OVOL2: variants seen among roughly 807,000 people sequenced by gnomAD.
OVOL2 encodes the protein transcription factor Ovo-like 2.
In OVOL2, 13 loss-of-function variants were observed where a neutral mutation model predicts 18.1. The observed-to-expected ratio is 0.72, with a 90% confidence interval of 0.47 to 1.14. The LOEUF (loss-of-function observed/expected upper bound fraction) is 1.14, where lower values mean the gene tolerates loss of function less well. Ranked by LOEUF, OVOL2 falls within the 50% of genes most tolerant of loss-of-function variation. OVOL2 has a pLI of 0.00. For synonymous variants in OVOL2, 166 were observed against 162.7 expected, an observed-to-expected ratio of 1.02 and a Z score of -0.16; for missense variants, 335 against 383.0, an observed-to-expected ratio of 0.87 and a Z score of 1.05.
At chr20:18,025,443 C>A (rs2036504853) in intron 3 of OVOL2, among the ~76,000 whole-genome samples, 1 of 152,014 alleles carries the variant, frequency 6.6e-6, no homozygotes, top group Non-Finnish European at 1.5e-5. Context: ...GTGGCGCGCA[C>A]CCATAGTCCC....
At chr20:18,052,655 G>A (rs751252947) in intron 2 of OVOL2, among the ~76,000 whole-genome samples, 3 of 152,178 alleles carry the variant, frequency 2.0e-5, no homozygotes, top group Non-Finnish European at 4.4e-5. Context: ...TACAAGACTC[G>A]ATAGAGAGCC....
At chr20:18,036,134 A>G (rs2036612835) in intron 3 of OVOL2, among the ~76,000 whole-genome samples, 1 of 150,598 alleles carries the variant, frequency 6.6e-6, no homozygotes, top group South Asian at 2.1e-4. Context: ...TCTCTACTAA[A>G]AATACAAAAT....
chr20:18,033,066 G>A (rs1332029493), intron 3 of OVOL2, among the ~76,000 whole-genome samples: 2 of 152,210 alleles, frequency 1.3e-5, no homozygotes, highest in East Asian at 1.9e-4. Flanking sequence ...GGGTGGAGGT[G>A]ACTTGACTCT....
chr20:18,039,002 C>T (rs1358300458), intron 3 of OVOL2, among the ~76,000 whole-genome samples: 1 of 152,200 alleles, frequency 6.6e-6, no homozygotes, highest in East Asian at 1.9e-4. Context: ...AGAGGTCAAA[C>T]TTTTATTGAT....
At chr20:18,028,429 G>A (rs1038885730) in intron 3 of OVOL2, among the ~76,000 whole-genome samples, 1 of 151,588 alleles carries the variant, frequency 6.6e-6, no homozygotes, top group Non-Finnish European at 1.5e-5. Flanking sequence ...CACCTGCCTT[G>A]GCCTCTCAAA....
intron 3 of OVOL2, among the ~76,000 whole-genome samples, chr20:18,029,987 G>A (rs6514834): frequency 0.48 from 73,548 of 151,886 alleles, 18,050 homozygotes; most frequent in African/African-American, 0.56. Context: ...CAGAAAAACA[G>A]AAAACAAACA....
intron 3 of OVOL2, among the ~76,000 whole-genome samples, chr20:18,038,333 C>T (rs1300647770): frequency 1.3e-5 from 2 of 152,182 alleles, no homozygotes; most frequent in Non-Finnish European, 2.9e-5. Flanking sequence ...TTATGTAATT[C>T]TGGCCCCAAA....
intron 3 of OVOL2, among the ~76,000 whole-genome samples, chr20:18,034,626 T>TCTCTCTCTCTCTC (rs2036598587): frequency 7.2e-6 from 1 of 138,052 alleles, no homozygotes; most frequent in Admixed American, 7.2e-5. Context: ...CTTCCCCTCT[T>TCTCTCTCTCTCTC]TCTCTCTCTC....
At chr20:18,042,845 A>C (rs1328318521) in intron 2 of OVOL2, among the ~76,000 whole-genome samples, 1 of 149,946 alleles carries the variant, frequency 6.7e-6, no homozygotes, top group Non-Finnish European at 1.5e-5. Flanking sequence ...ACCATATGAC[A>C]CGCTTGTTCC....
chr20:18,053,426 C>T (rs894723612), intron 2 of OVOL2, among the ~76,000 whole-genome samples: 4 of 152,110 alleles, frequency 2.6e-5, no homozygotes, highest in Admixed American at 1.3e-4. Flanking sequence ...AATGGCAGGG[C>T]GCGGTGGCTC....
intron 2 of OVOL2, among the ~76,000 whole-genome samples, chr20:18,046,680 A>G (rs931692002): frequency 6.6e-6 from 1 of 152,202 alleles, no homozygotes; most frequent in Non-Finnish European, 1.5e-5. Flanking sequence ...ATGGTACAGA[A>G]GACACATCTG....
chr20:18,027,742 C>G (rs1222253504), intron 3 of OVOL2, among the ~76,000 whole-genome samples: 5 of 151,598 alleles, frequency 3.3e-5, no homozygotes, highest in Non-Finnish European at 5.9e-5. Context: ...ACTACAGGCG[C>G]TCACCACCAC....
chr20:18,044,505 C>G (rs1359417148), intron 2 of OVOL2, among the ~76,000 whole-genome samples: 1 of 152,170 alleles, frequency 6.6e-6, no homozygotes, highest in Non-Finnish European at 1.5e-5. Context: ...ACAGGGTATT[C>G]CAGTCAGCCT....
rs748521446 is a variant in OVOL2, at chr20:18,024,861, C to T, written c.603G>A (p.Gln201=). Residue 201 remains glutamine (Q), a synonymous_variant, in exon 4 of 4, where the codon CAG becomes CAA. Coordinates refer to ENST00000278780, the MANE Select transcript of OVOL2 (RefSeq NM_021220.4). The part of the protein sequence containing the change: ...ESHLKKIHGV[Q]QQYAYKQRRD... ...GCCGCTGCTTATAGGCATACTGCTG[C>T]TGCACCCCATGGATTTTCTTCAGGT... 5.0e-6 allele frequency: 8 copies of T among 1,614,232 alleles called. No homozygotes were observed. In the South Asian group the frequency reaches 7.7e-5, roughly 16 times the overall value.
chr20:18,057,865 A>G lies in OVOL2; in HGVS notation c.-231T>C. ...TATGCCTTAAATCGCGAGTGAGACC[A>G]CGCCGGGGAAAAAGTTTCATAAGGT... On this transcript the variant is annotated 5_prime_UTR_variant, in exon 1 of 4. Transcript: ENST00000278780. The surrounding 1 kb of genome is among the most constrained non-coding windows in gnomAD (Gnocchi z 6.3). 7.5e-7 allele frequency: 1 copy of G among 1,339,604 alleles called. No homozygotes were observed. The highest frequency in any genetic ancestry group is 9.5e-7 in the Non-Finnish European group (1 of 1,052,072). 83.0% of individuals were successfully genotyped at this position (1,339,604 alleles called of 1,614,324 possible).
chr20:18,028,027 C>A (rs1294328007), intron 3 of OVOL2, among the ~76,000 whole-genome samples: 1 of 152,056 alleles, frequency 6.6e-6, no homozygotes, highest in African/African-American at 2.4e-5. Context: ...ACTGCCACAG[C>A]CACGAGACCA....
intron 2 of OVOL2, among the ~76,000 whole-genome samples, chr20:18,053,147 AC>A (rs982887952): frequency 2.0e-5 from 3 of 152,206 alleles, no homozygotes; most frequent in Admixed American, 2.0e-4. Context: ...TTCCAGATCC[AC>A]CCATCAACAC....
At chr20:18,034,402 A>C (rs2036596674) in intron 3 of OVOL2, among the ~76,000 whole-genome samples, 1 of 152,174 alleles carries the variant, frequency 6.6e-6, no homozygotes, top group Non-Finnish European at 1.5e-5. Flanking sequence ...CACTCCAGCT[A>C]ACAGCAAAAC....
At chr20:18,024,995 C>G in intron 3 of OVOL2, 43 bp from the exon 4 acceptor site, 1 of 1,566,406 alleles carries the variant, frequency 6.4e-7, no homozygotes, top group South Asian at 1.2e-5. Flanking sequence ...TGGTCATGGC[C>G]AAGCCAGAAC....
Sources: allele counts gnomAD v4.1 joint callset (sites outside exome capture counted in the v4.1 genomes callset), GRCh38; gene constraint gnomAD v4.1.1; non-coding constraint Gnocchi (gnomAD v3.1); transcripts MANE v1.5; gene names NCBI Gene and HGNC (gene_info 2026-07-23, HGNC 2026-07-21).